PUM2: variants seen among roughly 807,000 people sequenced by gnomAD.
The protein encoded by PUM2 is pumilio homolog 2.
PUM2 carries 57 observed loss-of-function variants against 124.5 expected under a neutral mutation model. That is an observed-to-expected ratio of 0.46 (90% CI 0.37 to 0.57). The LOEUF (loss-of-function observed/expected upper bound fraction) is 0.57. PUM2 is among the 20% of genes least tolerant of loss of function. The pLI is 0.00. For missense variants in PUM2, 1,065 were observed against 1,290.6 expected (o/e 0.83, Z 2.68); for synonymous variants, 460 against 446.1 (o/e 1.03, Z -0.39).
At chr2:20,308,660 AT>A in intron 5 of PUM2, 76 bp from the exon 6 acceptor site, 1 of 1,395,196 alleles carries the variant, frequency 7.2e-7, no homozygotes, top group East Asian at 2.3e-5. Context: ...TAGAAAAATC[AT>A]GAAAAACAAA....
chr2:20,308,317 C>T lies in PUM2; in HGVS notation c.786G>A (p.Gln262=), dbSNP rs1254463425. The T allele has an allele frequency of 6.2e-7, 1 of 1,612,822 alleles. No individual in the cohort carries two copies. The highest frequency in any genetic ancestry group is 1.1e-5 in the South Asian group (1 of 91,000). The part of the protein sequence containing the change: ...TVGLFDYNSQ[Q]QLFQRTNALT... ...TAAAGAAAGAACATGCTTTTACCTG[C>T]TGCTGGGAATTGTAGTCAAAAAGGC... Residue 262 remains glutamine (Q), a synonymous_variant, in exon 6 of 21, where the codon CAG becomes CAA. Coordinates refer to ENST00000361078, the MANE Select transcript of PUM2 (RefSeq NM_015317.5).
At chr2:20,336,065 A>G (rs1314076813) in intron 1 of PUM2, among the ~76,000 whole-genome samples, 1 of 152,244 alleles carries the variant, frequency 6.6e-6, no homozygotes, top group Non-Finnish European at 1.5e-5. Context: ...AACAGCCTCA[A>G]TCTATGCTGG....
chr2:20,326,266 A>T (rs1683648826), intron 2 of PUM2: 3 of 1,303,606 alleles, frequency 2.3e-6, no homozygotes, highest in Non-Finnish European at 3.0e-6. Context: ...CTCACCCTTA[A>T]ATCAGTCCTC....
intron 13 of PUM2, 150 bp downstream of exon 13, chr2:20,278,433 T>C (rs1197134022): frequency 4.5e-6 from 3 of 663,250 alleles, no homozygotes; most frequent in Non-Finnish European, 7.4e-6. Flanking sequence ...TTCAGGAAAG[T>C]AGAACTTTTT....
chr2:20,278,633 G>T lies in PUM2; in HGVS notation c.1907C>A (p.Thr636Lys). The change falls in exon 13 of 21, where the codon ACG becomes AAG. Residue 636 changes from threonine to lysine, a missense_variant. Thr to Lys is a moderately conservative substitution (Grantham distance 78). Coordinates refer to ENST00000361078, the MANE Select transcript of PUM2 (RefSeq NM_015317.5). ...ATGTGATGAAAGTGATGGCGGTGGC[G>T]TAAGTGAATGTCCTGGAGTTTGGCT... ...LPSQTPGHSL[T>K]PPPSLSSHGS... The T allele has an allele frequency of 6.2e-7, 1 of 1,613,380 alleles. No individual in the cohort carries two copies. The highest frequency in any genetic ancestry group is 1.1e-5 in the South Asian group (1 of 91,060).
intron 7 of PUM2, among the ~76,000 whole-genome samples, chr2:20,303,813 C>A (rs1219886818): frequency 2.0e-5 from 3 of 152,162 alleles, no homozygotes; most frequent in Non-Finnish European, 4.4e-5. Context: ...GACTTATTTA[C>A]AAGACCATGA....
chr2:20,262,546 C>T lies in PUM2; in HGVS notation c.2225+647G>A, dbSNP rs568408447. 1.6e-4 allele frequency among the ~76,000 whole-genome samples: 25 copies of T among 152,222 alleles called. No individual in the cohort carries two copies. In the South Asian group the frequency reaches 4.6e-3, roughly 28 times the overall value. On this transcript the variant is annotated intron_variant, in intron 14 of 20. Coordinates refer to ENST00000361078, the MANE Select transcript of PUM2 (RefSeq NM_015317.5). Reference sequence around the variant, plus strand: ...CAACGTATTTTCTAGAACGTATCCCCGTCATTAAGTGATGCATGACTGTAT... The same window carrying T: ...CAACGTATTTTCTAGAACGTATCCCTGTCATTAAGTGATGCATGACTGTAT...
At chr2:20,257,759 G>T (rs1461799025) in intron 16 of PUM2, among the ~76,000 whole-genome samples, 5 of 151,816 alleles carry the variant, frequency 3.3e-5, no homozygotes, top group African/African-American at 1.2e-4. Context: ...TTTAATTTAC[G>T]TGTTCTTGTT....
chr2:20,291,994 T>C (rs930377772), intron 9 of PUM2, among the ~76,000 whole-genome samples: 1 of 151,362 alleles, frequency 6.6e-6, no homozygotes, highest in East Asian at 1.9e-4. Context: ...AGTCCTTTAG[T>C]TGGTGTGTGA....
chr2:20,329,983 G>T (rs185677081), intron 1 of PUM2, among the ~76,000 whole-genome samples: 1 of 151,180 alleles, frequency 6.6e-6, no homozygotes, highest in Admixed American at 6.6e-5. Flanking sequence ...AAGCCCCATG[G>T]ACACCAGAGG....
chr2:20,348,405 C>T (rs1326512990), intron 1 of PUM2, among the ~76,000 whole-genome samples: 4 of 152,002 alleles, frequency 2.6e-5, no homozygotes, highest in Non-Finnish European at 2.9e-5. Flanking sequence ...CCTGGAAACC[C>T]AACAAGGTAT....
intron 3 of PUM2, among the ~76,000 whole-genome samples, chr2:20,313,343 C>T (rs192037982): frequency 4.0e-4 from 61 of 152,236 alleles, no homozygotes; most frequent in Admixed American, 5.9e-4. Context: ...AAAATACAGA[C>T]GGAAAGCGCC....
At chr2:20,329,927 C>G (rs924927793) in intron 1 of PUM2, among the ~76,000 whole-genome samples, 1 of 151,752 alleles carries the variant, frequency 6.6e-6, no homozygotes, top group African/African-American at 2.4e-5. Context: ...AAACAATGGC[C>G]AGAAATTCCC....
intron 3 of PUM2, among the ~76,000 whole-genome samples, chr2:20,314,191 C>T (rs987634467): frequency 4.6e-5 from 7 of 152,038 alleles, no homozygotes; most frequent in African/African-American, 1.7e-4. Flanking sequence ...AATAAACTTT[C>T]GATTTGGCAG....
chr2:20,275,902 T>A (rs1046737865), intron 13 of PUM2, among the ~76,000 whole-genome samples: 9 of 152,218 alleles, frequency 5.9e-5, no homozygotes, highest in African/African-American at 2.2e-4. Context: ...ATGAACCTTA[T>A]TTTGACTGTG....
chr2:20,292,000 T>C (rs1674222965), intron 9 of PUM2, among the ~76,000 whole-genome samples: 1 of 151,338 alleles, frequency 6.6e-6, no homozygotes, highest in Non-Finnish European at 1.5e-5. Flanking sequence ...TTAGTTGGTG[T>C]GTGAGCCAGA....
chr2:20,299,000 A>AC (rs1465623227), intron 7 of PUM2, among the ~76,000 whole-genome samples: 1 of 152,196 alleles, frequency 6.6e-6, no homozygotes, highest in African/African-American at 2.4e-5. Context: ...TCCATGCCTC[A>AC]CCCTACCCAG....
In PUM2 at chr2:20,322,631, T is replaced by C. The variant is rs553211299; in HGVS notation, c.52-3986A>G. Among the ~76,000 whole-genome samples, 4 of 151,904 alleles carry C rather than the reference T, an allele frequency of 2.6e-5. No homozygotes were observed. In the South Asian group the frequency reaches 8.3e-4, roughly 32 times the overall value. On this transcript the variant is annotated intron_variant, in intron 2 of 20. Coordinates refer to ENST00000361078, the MANE Select transcript of PUM2 (RefSeq NM_015317.5). ...CAGCCTGGGCAACATGGCGAAACAA[T>C]GTCTCTACAAAAAATATAAAAATTA...
chr2:20,279,712 A>G (rs563400924), intron 12 of PUM2, among the ~76,000 whole-genome samples: 1 of 152,296 alleles, frequency 6.6e-6, no homozygotes, highest in East Asian at 1.9e-4. Flanking sequence ...AAGGTCATGT[A>G]GGCCCTGGTG....
Sources: allele counts gnomAD v4.1 joint callset (sites outside exome capture counted in the v4.1 genomes callset), GRCh38; gene constraint gnomAD v4.1.1; transcripts MANE v1.5; gene names NCBI Gene and HGNC (gene_info 2026-07-23, HGNC 2026-07-21).